PHACTR1: variants seen among roughly 807,000 people sequenced by gnomAD.
The protein encoded by PHACTR1 is RPEL repeat containing 1.
Under a neutral mutation model 69.2 loss-of-function variants are expected in PHACTR1, and 16 were observed. The ratio of observed to expected loss-of-function variants is 0.23; its 90% CI spans 0.16 to 0.35. The LOEUF is 0.35. Ranked by LOEUF, PHACTR1 falls within the 10% of genes least tolerant of loss-of-function variation. PHACTR1 has a pLI of 1.00. For missense variants in PHACTR1, 510 were observed against 734.7 expected (o/e 0.69, Z 3.54); for synonymous variants, 312 against 284.5 (o/e 1.10, Z -0.97).
chr6:12,878,672 TG>T (rs1782782782), intron 4 of PHACTR1, among the ~76,000 whole-genome samples: 1 of 152,200 alleles, frequency 6.6e-6, no homozygotes, highest in Non-Finnish European at 1.5e-5. Flanking sequence ...GGTAATATAG[TG>T]GTTGCTCTGG....
At chr6:12,914,879 A>C (rs1259362844) in intron 4 of PHACTR1, among the ~76,000 whole-genome samples, 1 of 152,204 alleles carries the variant, frequency 6.6e-6, no homozygotes, top group Non-Finnish European at 1.5e-5. Context: ...CACTGGAGAA[A>C]GTGTCCTTGA....
At chr6:12,836,215 A>T (rs1236984664) in intron 4 of PHACTR1, among the ~76,000 whole-genome samples, 1 of 152,168 alleles carries the variant, frequency 6.6e-6, no homozygotes, top group Non-Finnish European at 1.5e-5. Context: ...ATGAAGTATC[A>T]GCCTGGTACT....
intron 4 of PHACTR1, among the ~76,000 whole-genome samples, chr6:12,844,157 G>A (rs1778966051): frequency 6.6e-6 from 1 of 152,172 alleles, no homozygotes; most frequent in Non-Finnish European, 1.5e-5. Flanking sequence ...CACATTGAGA[G>A]CCTGAGGCAG....
rs936016262 is a variant in PHACTR1 at position 13,283,349 on chromosome 6, A to C, written c.1510-73A>C. ...CTGAACCTTATTTTCCACACCTGCAAGTTCACAGACAGGACCAAGTGCCAT... is the reference window on the plus strand; with the variant it reads ...CTGAACCTTATTTTCCACACCTGCACGTTCACAGACAGGACCAAGTGCCAT... On this transcript the variant is annotated intron_variant, in intron 12 of 14. Transcript: ENST00000332995. This position sits in a 1 kb window ranked among gnomAD's most constrained non-coding sequence, Gnocchi z 4.7. 12 of 1,564,226 alleles carry C rather than the reference A, an allele frequency of 7.7e-6. No individual in the cohort carries two copies. The African/African-American group carries it at 1.5e-4, about 19-fold the overall frequency.
intron 4 of PHACTR1, among the ~76,000 whole-genome samples, chr6:13,009,275 G>A (rs867055703): frequency 6.6e-6 from 1 of 152,018 alleles, no homozygotes; most frequent in Non-Finnish European, 1.5e-5. Context: ...TGGGAGAGGC[G>A]GACACCATTC....
intron 4 of PHACTR1, among the ~76,000 whole-genome samples, chr6:12,856,278 G>T (rs1780355680): frequency 7.0e-6 from 1 of 142,194 alleles, no homozygotes; most frequent in South Asian, 2.1e-4. Context: ...TCTGAGACAG[G>T]AGTTTCGCTC....
intron 4 of PHACTR1, among the ~76,000 whole-genome samples, chr6:12,808,834 C>CCCT (rs59616134): frequency 6.6e-6 from 1 of 150,692 alleles, no homozygotes; most frequent in African/African-American, 2.5e-5. Flanking sequence ...TTCCCCCTCC[C>CCCT]CCTCCTCCTC....
intron 4 of PHACTR1, among the ~76,000 whole-genome samples, chr6:12,757,349 G>A (rs6906718): frequency 0.95 from 145,284 of 152,180 alleles, 69,708 homozygotes; most frequent in East Asian, 1. Flanking sequence ...GAGGGGGATT[G>A]AGAAGGAATG....
At chr6:13,263,055 G>A (rs927923856) in intron 10 of PHACTR1, among the ~76,000 whole-genome samples, 1 of 152,126 alleles carries the variant, frequency 6.6e-6, no homozygotes, top group African/African-American at 2.4e-5. Flanking sequence ...ATCTCTGTCA[G>A]CCTCAACAAG....
intron 4 of PHACTR1, among the ~76,000 whole-genome samples, chr6:12,807,026 C>G (rs1159482401): frequency 1.3e-5 from 2 of 152,046 alleles, no homozygotes; most frequent in Non-Finnish European, 2.9e-5. Context: ...GTTAAAAACA[C>G]AAAGATTCTT....
intron 8 of PHACTR1, among the ~76,000 whole-genome samples, chr6:13,225,791 T>C (rs1459723238): frequency 6.6e-6 from 1 of 152,074 alleles, no homozygotes; most frequent in South Asian, 2.1e-4. Context: ...AACCAAAAAG[T>C]GGAGAGAGGA....
intron 4 of PHACTR1, among the ~76,000 whole-genome samples, chr6:12,898,351 C>T (rs1163372106): frequency 7.1e-6 from 1 of 141,318 alleles, no homozygotes; most frequent in African/African-American, 2.5e-5. Flanking sequence ...TTCATTCGAG[C>T]TTGCCCTCCT....
intron 5 of PHACTR1, among the ~76,000 whole-genome samples, chr6:13,125,829 C>G (rs1247885282): frequency 6.6e-6 from 1 of 151,876 alleles, no homozygotes; most frequent in Admixed American, 6.6e-5. Context: ...ACTTGGGAGG[C>G]TGAGGTGGGA....
In PHACTR1 at chr6:12,826,271, A is replaced by G. The variant is rs116572940; in HGVS notation, c.250+76481A>G. Among the ~76,000 whole-genome samples, 1,075 of 152,340 alleles carry G rather than the reference A, an allele frequency of 7.1e-3. 17 individuals carry two copies. The highest frequency in any genetic ancestry group is 0.025 in the African/African-American group (1,024 of 41,572). On this transcript the variant is annotated intron_variant, in intron 4 of 14. Coordinates refer to ENST00000332995, the MANE Select transcript of PHACTR1 (RefSeq NM_030948.6). ...CCCAAAAAGATAATGTGAATTTAAA[A>G]TGTGTCTCCCCCTACACAAAAAAGT...
chr6:13,193,580 G>A (rs554789398), intron 7 of PHACTR1, among the ~76,000 whole-genome samples: 2 of 151,008 alleles, frequency 1.3e-5, no homozygotes, highest in South Asian at 4.2e-4. Context: ...TAGAGACAAG[G>A]TCTCTCGATG....
At chr6:13,134,695 C>T (rs1354138319) in intron 5 of PHACTR1, among the ~76,000 whole-genome samples, 1 of 150,994 alleles carries the variant, frequency 6.6e-6, no homozygotes, top group African/African-American at 2.4e-5. Flanking sequence ...ACCAGAGACC[C>T]TTGTTCACAT....
At chr6:13,088,047 AGAGTGTTCATCCTTACCCCCT>A (rs1352049004) in intron 5 of PHACTR1, among the ~76,000 whole-genome samples, 1 of 152,088 alleles carries the variant, frequency 6.6e-6, no homozygotes, top group Non-Finnish European at 1.5e-5. Flanking sequence ...GTAAGAGAGA[AGAGTGTTCATCCTTACCCCCT>A]CTATTTAACA....
At chr6:13,242,586 T>C (rs1376977128) in intron 10 of PHACTR1, among the ~76,000 whole-genome samples, 1 of 152,208 alleles carries the variant, frequency 6.6e-6, no homozygotes, top group African/African-American at 2.4e-5. Context: ...CCATGGTCTA[T>C]ATCAATGAAT....
At chr6:12,751,935 GT>G (rs770407819) in intron 4 of PHACTR1, among the ~76,000 whole-genome samples, 17 of 152,136 alleles carry the variant, frequency 1.1e-4, no homozygotes, top group Non-Finnish European at 1.8e-4. Context: ...AGAAGTGACT[GT>G]AAGTTGGACA....
Sources: allele counts gnomAD v4.1 joint callset (sites outside exome capture counted in the v4.1 genomes callset), GRCh38; gene constraint gnomAD v4.1.1; non-coding constraint Gnocchi (gnomAD v3.1); transcripts MANE v1.5; gene names NCBI Gene and HGNC (gene_info 2026-07-23, HGNC 2026-07-21).